SCN4A: variants seen among roughly 807,000 people sequenced by gnomAD.
SCN4A encodes the protein sodium voltage-gated channel alpha subunit 4.
SCN4A carries 83 observed loss-of-function variants against 162.0 expected under a neutral mutation model. That is an observed-to-expected ratio of 0.51 (90% CI 0.43 to 0.61). The LOEUF (loss-of-function observed/expected upper bound fraction) is 0.61. Ranked by LOEUF, SCN4A falls within the 20% of genes least tolerant of loss-of-function variation. The pLI, the probability that SCN4A is intolerant of heterozygous loss-of-function variation, is 0.00. For synonymous variants in SCN4A, 944 were observed against 985.1 expected (o/e 0.96, Z 0.78); for missense variants, 2,196 against 2,462.5 (o/e 0.89, Z 2.29).
At chr17:63,946,573 G>A (rs1908732708) in intron 18 of SCN4A, among the ~76,000 whole-genome samples, 2 of 147,796 alleles carry the variant, frequency 1.4e-5, no homozygotes, top group East Asian at 2.1e-4. Context: ...GGCCCCAACC[G>A]TGACGCCAAG....
At chr17:63,949,640 A>G (rs1426509560) in intron 14 of SCN4A, 112 bp from the exon 15 acceptor site, 4 of 1,255,296 alleles carry the variant, frequency 3.2e-6, no homozygotes, top group East Asian at 4.9e-5. Flanking sequence ...GAGAGGGAGG[A>G]GCAAACTCAT....
intron 21 of SCN4A, 130 bp from the exon 22 acceptor site, chr17:63,943,980 G>C (rs1422537083): frequency 1.6e-6 from 1 of 642,602 alleles, no homozygotes; most frequent in Non-Finnish European, 2.8e-6. Context: ...GGAGGAAGCG[G>C]GAGGGTCAGA....
rs1909663034 is a variant in SCN4A, at chr17:63,972,887, G to A, written c.-46C>T. On this transcript the variant is annotated 5_prime_UTR_variant, in exon 1 of 24. Coordinates refer to ENST00000435607, the MANE Select transcript of SCN4A (RefSeq NM_000334.4). This position sits in a 1 kb window ranked among gnomAD's most constrained non-coding sequence, Gnocchi z 4.3. ...GACCAGAAGGGTGGTGGGTGGCCTG[G>A]GGAGCTGCAGTGCGCAGCCCCGGGG... 2 of 1,558,690 alleles carry A rather than the reference G, an allele frequency of 1.3e-6. No homozygotes were observed.
At chr17:63,958,386 G>T (rs1406841722) in intron 12 of SCN4A, among the ~76,000 whole-genome samples, 4 of 152,102 alleles carry the variant, frequency 2.6e-5, no homozygotes, top group Admixed American at 1.3e-4. Context: ...GTATTTACAA[G>T]TGAAATTATA....
rs966252303 is a variant in SCN4A at position 63,957,819 on chromosome 17, C to T, written c.2020-301G>A. On this transcript the variant is annotated intron_variant, in intron 12 of 23. Transcript: ENST00000435607. ...AGGAGCTGGAAACCAGCTTGGCTGA[C>T]ATGGTAAAATCCTGTCTCTACTAAA... is the stretch of plus-strand genomic sequence containing the variant. Among the ~76,000 whole-genome samples the T allele has an allele frequency of 2.0e-5, 3 of 151,856 alleles. No homozygotes were observed. In the East Asian group the frequency reaches 5.8e-4, roughly 29 times the overall value.
rs1201521602 is a variant in SCN4A at position 63,968,400 on chromosome 17, G to T, written c.704-45C>A. ...GGATATTGGCAGGGGGCAGGGCAGG[G>T]TGATAACAGAGCCCCCGCGGCCCCC... On this transcript the variant is annotated intron_variant, in intron 5 of 23. Transcript: ENST00000435607. The T allele has an allele frequency of 2.7e-6, 4 of 1,509,144 alleles. No individual in the cohort carries two copies. In the African/African-American group the frequency reaches 5.5e-5, roughly 21 times the overall value. The allele number at this position is 1,509,144 out of a possible 1,614,324, so 93.5% of individuals were successfully genotyped here.
chr17:63,961,864 TCAAAGCCCCACCC>T (rs1909272640), intron 10 of SCN4A, among the ~76,000 whole-genome samples: 1 of 12,798 alleles, frequency 7.8e-5, no homozygotes, highest in Non-Finnish European at 1.5e-4. Flanking sequence ...CCCCACCTCC[TCAAAGCCCCACCC>T]CCGGCTCCAA....
intron 8 of SCN4A, 85 bp downstream of exon 8, chr17:63,966,017 G>A (rs1427747246): frequency 6.1e-5 from 64 of 1,050,892 alleles, no homozygotes; most frequent in Non-Finnish European, 8.7e-5. Flanking sequence ...CCATCCTGTG[G>A]TAGGCCCCAT....
chr17:63,956,753 C>T (rs949125526), intron 13 of SCN4A, among the ~76,000 whole-genome samples: 10 of 152,254 alleles, frequency 6.6e-5, no homozygotes, highest in African/African-American at 2.4e-4. Flanking sequence ...CAAGGTCACA[C>T]AGATGATGGC....
chr17:63,944,637 C>A lies in SCN4A; in HGVS notation c.3912+36G>T, dbSNP rs764177284. The A allele has an allele frequency of 6.4e-7, 1 of 1,573,242 alleles. No individual in the cohort carries two copies. The highest frequency in any genetic ancestry group is 8.6e-7 in the Non-Finnish European group (1 of 1,158,416). ...CAAAGGAGGCAGGAGGGAGGCCCAGCACCGGGAGGGCCCGAGGGGCTGGGC... is the reference window on the plus strand; with the variant it reads ...CAAAGGAGGCAGGAGGGAGGCCCAGAACCGGGAGGGCCCGAGGGGCTGGGC... On this transcript the variant is annotated intron_variant, in intron 21 of 23. Coordinates refer to ENST00000435607, the MANE Select transcript of SCN4A (RefSeq NM_000334.4). The surrounding 1 kb of genome is among the most constrained non-coding windows in gnomAD (Gnocchi z 4.3).
At position 63,951,874 on chromosome 17, in the gene SCN4A, C is replaced by T. The variant is rs1186554632; in HGVS notation, c.2403G>A (p.Leu801=). Residue 801 remains leucine (L), a synonymous_variant, in exon 14 of 24, where the codon CTG becomes CTA. Coordinates refer to ENST00000435607, the MANE Select transcript of SCN4A (RefSeq NM_000334.4). This position sits in a 1 kb window ranked among gnomAD's most constrained non-coding sequence, Gnocchi z 4.5. ...GACTGTCGGCGCTGAAGGAGCTCAGCAGCAGAGCCAGGAACAGGTTCAGGA... is the reference window on the plus strand; with the variant it reads ...GACTGTCGGCGCTGAAGGAGCTCAGTAGCAGAGCCAGGAACAGGTTCAGGA... ...LVVLNLFLAL[L]LSSFSADSLA... 2 of 1,544,560 alleles carry T rather than the reference C, an allele frequency of 1.3e-6. No homozygotes were observed. The highest frequency in any genetic ancestry group is 8.7e-7 in the Non-Finnish European group (1 of 1,149,166).
intron 5 of SCN4A, among the ~76,000 whole-genome samples, chr17:63,969,044 T>C (rs1417808267): frequency 6.6e-6 from 1 of 152,326 alleles, no homozygotes; most frequent in African/African-American, 2.4e-5. Context: ...GGTTTCGCTA[T>C]GTTGGACAGG....
In SCN4A at chr17:63,939,796, T is replaced by A. The variant is rs1908461750; in HGVS notation, c.*975A>T. ...GGGAAAGGTGAGAAAGAGACGGGCG[T>A]GGGGAGATGAGAAGGGAGATCTCTG... On this transcript the variant is annotated 3_prime_UTR_variant, in exon 24 of 24. Coordinates refer to ENST00000435607, the MANE Select transcript of SCN4A (RefSeq NM_000334.4). 1 of 152,062 alleles carries A rather than the reference T, an allele frequency of 6.6e-6. No individual in the cohort carries two copies. The highest frequency in any genetic ancestry group is 6.6e-5 in the Admixed American group (1 of 15,260). The allele number at this position is 152,062 out of a possible 1,614,324, so 9.4% of individuals were successfully genotyped here.
intron 7 of SCN4A, 83 bp downstream of exon 7, chr17:63,966,398 G>GC: frequency 2.1e-6 from 3 of 1,431,300 alleles, no homozygotes; most frequent in Non-Finnish European, 2.0e-6. Context: ...GCACTCCCAT[G>GC]CCCCCCAGGT....
Position 63,972,461 on chromosome 17 carries a change from C to A in SCN4A, c.283G>T (p.Val95Leu), listed in dbSNP as rs543813038. 1 of 1,613,596 alleles carries A rather than the reference C, an allele frequency of 6.2e-7. No individual in the cohort carries two copies. The highest frequency in any genetic ancestry group is 1.7e-5 in the Admixed American group (1 of 59,976). Residue 95 changes from valine to leucine, a missense_variant, in exon 2 of 24, where the codon GTA becomes TTA. Coordinates refer to ENST00000435607, the MANE Select transcript of SCN4A (RefSeq NM_000334.4). The surrounding 1 kb of genome is among the most constrained non-coding windows in gnomAD (Gnocchi z 4.3). ...AAGATGGCCTTGCCCTTGTTGAGTA[C>A]GATGAAGGTCTAAGGTGGGAGAGAG... ...PYYSNKKTFI[V>L]LNKGKAIFRF...
Position 63,944,621 on chromosome 17 carries a change from C to A in SCN4A, c.3912+52G>T. On this transcript the variant is annotated intron_variant, in intron 21 of 23. Coordinates refer to ENST00000435607, the MANE Select transcript of SCN4A (RefSeq NM_000334.4). This position sits in a 1 kb window ranked among gnomAD's most constrained non-coding sequence, Gnocchi z 4.3. ...TGCAATGGAGAGTGGACAAAGGAGG[C>A]AGGAGGGAGGCCCAGCACCGGGAGG... 6.4e-7 allele frequency: 1 copy of A among 1,554,226 alleles called. No homozygotes were observed. Among genetic ancestry groups the A allele is most frequent in the Non-Finnish European group, 8.7e-7 (1 of 1,146,502 alleles).
At chr17:63,964,709 C>A in intron 8 of SCN4A, 32 bp from the exon 9 acceptor site, 1 of 1,544,074 alleles carries the variant, frequency 6.5e-7, no homozygotes, top group South Asian at 1.2e-5. Context: ...GTGGAGGGGT[C>A]CCATGACGTC....
At chr17:63,959,515 C>T (rs1909179190) in intron 11 of SCN4A, 77 bp from the exon 12 acceptor site, 2 of 1,417,606 alleles carry the variant, frequency 1.4e-6, no homozygotes, top group Non-Finnish European at 2.0e-6. Context: ...CAACTCCCAC[C>T]TCCTGGCAGA....
At chr17:63,955,326 G>T (rs1352218935) in intron 13 of SCN4A, among the ~76,000 whole-genome samples, 1 of 152,198 alleles carries the variant, frequency 6.6e-6, no homozygotes, top group Non-Finnish European at 1.5e-5. Flanking sequence ...TGCCAATACA[G>T]GAGCATCGCC....
Sources: gnomAD v4.1 joint callset for allele counts (sites outside exome capture counted in the v4.1 genomes callset) on GRCh38, gnomAD v4.1.1 for gene constraint, Gnocchi (gnomAD v3.1) non-coding constraint, MANE v1.5 for transcripts, NCBI Gene and HGNC (gene_info 2026-07-23, HGNC 2026-07-21) for gene names.